Variants in RALY observed in about 807,000 individuals in gnomAD.
RALY encodes the protein RALY heterogeneous nuclear ribonucleoprotein, also known as RNA-binding protein Raly.
RALY carries 15 observed loss-of-function variants against 30.7 expected under a neutral mutation model. The observed-to-expected ratio is 0.49, with a 90% CI of 0.33 to 0.75. The LOEUF (loss-of-function observed/expected upper bound fraction) is 0.75. Ranked by LOEUF, RALY falls within the 30% of genes least tolerant of loss-of-function variation. The pLI is 0.02. For synonymous variants in RALY, 177 were observed against 170.8 expected, an observed-to-expected ratio of 1.04 and a Z score of -0.28; for missense variants, 339 against 414.3, an observed-to-expected ratio of 0.82 and a Z score of 1.58.
intron 1 of RALY, among the ~76,000 whole-genome samples, chr20:34,003,723 T>C (rs1466463478): frequency 7.1e-6 from 1 of 139,864 alleles, no homozygotes; most frequent in African/African-American, 2.8e-5. Flanking sequence ...CACTGCAAGC[T>C]CCGCCTCCCG....
intron 2 of RALY, among the ~76,000 whole-genome samples, chr20:34,067,836 AC>A (rs1601500670): frequency 1.7e-5 from 2 of 117,560 alleles, no homozygotes; most frequent in East Asian, 5.1e-4. Context: ...TTTTTTTGAG[AC>A]ACTGTGCTCT....
At chr20:34,028,732 A>C (rs964583238) in intron 1 of RALY, among the ~76,000 whole-genome samples, 1 of 150,244 alleles carries the variant, frequency 6.7e-6, no homozygotes, top group Non-Finnish European at 1.5e-5. Context: ...AAAAAAAAAA[A>C]AACATGGCAG....
chr20:34,069,578 A>C (rs1248127783), intron 2 of RALY, among the ~76,000 whole-genome samples: 1 of 152,180 alleles, frequency 6.6e-6, no homozygotes, highest in Admixed American at 6.5e-5. Context: ...ATGCCCACAC[A>C]GGGGCCCTAT....
chr20:34,069,733 C>A (rs1259233437), intron 2 of RALY, among the ~76,000 whole-genome samples: 2 of 152,184 alleles, frequency 1.3e-5, no homozygotes, highest in Non-Finnish European at 1.5e-5. Flanking sequence ...GCCTCGTATG[C>A]ACAGTGTGTT....
chr20:34,025,744 C>A (rs192155117), intron 1 of RALY, among the ~76,000 whole-genome samples: 1 of 151,824 alleles, frequency 6.6e-6, no homozygotes, highest in East Asian at 1.9e-4. Flanking sequence ...CTGTTAAAAT[C>A]GTCTTCGGTC....
rs1555810268 is a variant in RALY, at chr20:34,077,058, CCGGCGG to C, written c.699_704del (p.Gly237_Gly238del). On this transcript the variant is annotated inframe_deletion, in exon 8 of 10. Transcript: ENST00000246194. Reference sequence around the variant, plus strand: ...AAGAAGAAGGGTGATGGAGGTGGCGCCGGCGGCGGCGGCGGTGGTGGTGGCAGCGGT... The same window carrying C: ...AAGAAGAAGGGTGATGGAGGTGGCGCCGGCGGCGGTGGTGGTGGCAGCGGT... The C allele has an allele frequency of 1.6e-5, 26 of 1,589,110 alleles. No homozygotes were observed. Among genetic ancestry groups the C allele is most frequent in the East Asian group, 1.6e-4 (7 of 44,144 alleles).
intron 2 of RALY, among the ~76,000 whole-genome samples, chr20:34,032,533 T>C (rs780908021): frequency 6.6e-6 from 1 of 152,056 alleles, no homozygotes; most frequent in Non-Finnish European, 1.5e-5. Context: ...ATTTTTGTTT[T>C]TGGGAGACAG....
chr20:34,060,481 G>A (rs1002142561), intron 2 of RALY, among the ~76,000 whole-genome samples: 1 of 152,128 alleles, frequency 6.6e-6, no homozygotes, highest in Non-Finnish European at 1.5e-5. Flanking sequence ...TAATATATTC[G>A]CATGCTTTCT....
At chr20:34,076,297 A>G in intron 6 of RALY, 2 of 560,390 alleles carry the variant, frequency 3.6e-6, no homozygotes, top group Non-Finnish European at 6.3e-6. Flanking sequence ...TCCTCTAGTA[A>G]GGATAAGGAC....
chr20:34,019,888 C>T (rs953420607), intron 1 of RALY, among the ~76,000 whole-genome samples: 13 of 151,988 alleles, frequency 8.6e-5, no homozygotes, highest in Non-Finnish European at 1.8e-4. Context: ...GGTGAAACCC[C>T]GTCTCTACTA....
At chr20:34,053,837 T>C (rs17091489) in intron 2 of RALY, among the ~76,000 whole-genome samples, 13,827 of 152,148 alleles carry the variant, frequency 0.091, 2,091 homozygotes, top group African/African-American at 0.31. Context: ...GACCAGATAA[T>C]AAAGAGAGGG....
chr20:34,002,125 G>A (rs572004216), intron 1 of RALY, among the ~76,000 whole-genome samples: 37 of 152,274 alleles, frequency 2.4e-4, no homozygotes, highest in African/African-American at 8.9e-4. Flanking sequence ...TGTTTTTGCG[G>A]ATACCTGTAA....
At chr20:34,012,017 G>A (rs912401585) in intron 1 of RALY, among the ~76,000 whole-genome samples, 1 of 151,474 alleles carries the variant, frequency 6.6e-6, no homozygotes, top group Non-Finnish European at 1.5e-5. Context: ...AGTAAGCCGA[G>A]CTTGCGCCAC....
intron 6 of RALY, chr20:34,076,328 C>G (rs1173155109): frequency 1.9e-6 from 1 of 517,814 alleles, no homozygotes; most frequent in East Asian, 3.4e-5. Context: ...AGGCCCATTA[C>G]TCCACATTCA....
chr20:34,077,912 G>A (rs987685928), intron 8 of RALY, among the ~76,000 whole-genome samples: 3 of 152,248 alleles, frequency 2.0e-5, no homozygotes, highest in Non-Finnish European at 2.9e-5. Context: ...TACCCTGTGA[G>A]GAAATCGAGG....
intron 2 of RALY, chr20:34,049,327 A>G (rs929618214): frequency 6.5e-6 from 1 of 154,314 alleles, no homozygotes; most frequent in African/African-American, 2.4e-5. Flanking sequence ...TCTGCTACCA[A>G]TATGTTAGTC....
intron 1 of RALY, among the ~76,000 whole-genome samples, chr20:34,022,109 T>A (rs1203243170): frequency 9.3e-5 from 14 of 149,790 alleles, no homozygotes; most frequent in African/African-American, 2.9e-4. Context: ...TTTTTTTTTT[T>A]AATAAAGACA....
Position 34,077,243 on chromosome 20 carries a change from C to G in RALY, c.874C>G (p.Leu292Val), listed in dbSNP as rs367783444. The G allele has an allele frequency of 6.2e-7, 1 of 1,613,570 alleles. No individual in the cohort carries two copies. The highest frequency in any genetic ancestry group is 8.5e-7 in the Non-Finnish European group (1 of 1,179,800). The stretch of plus-strand genomic sequence containing the variant: ...GCTCCTGACACACAGCGAGGAAGAG[C>G]TGGTGAGGGCCTGGCCAGGGGCACG... ...EGLLTHSEEE[L>V]EHSQDTDADD... is the part of the protein sequence containing the mutation. Residue 292 changes from leucine (L) to valine (V), a missense_variant and splice_region_variant, in exon 8 of 10, where the codon CTG becomes GTG. By Grantham distance (32) the Leu-to-Val change is conservative. Coordinates refer to ENST00000246194, the MANE Select transcript of RALY (RefSeq NM_016732.3).
At chr20:34,078,822 G>C (rs1264078173) in intron 9 of RALY, among the ~76,000 whole-genome samples, 1 of 152,192 alleles carries the variant, frequency 6.6e-6, no homozygotes, top group Non-Finnish European at 1.5e-5. Flanking sequence ...CAGCCATGTT[G>C]CCTGTCTCTG....
Sources: gnomAD v4.1 joint callset for allele counts (sites outside exome capture counted in the v4.1 genomes callset) on GRCh38, gnomAD v4.1.1 for gene constraint, MANE v1.5 for transcripts, NCBI Gene and HGNC (gene_info 2026-07-23, HGNC 2026-07-21) for gene names.